The following DNAH7 variants were observed in gnomAD, a reference collection of about 807,000 sequenced individuals.
DNAH7 encodes axonemal beta dynein heavy chain 7.
DNAH7 carries 397 observed loss-of-function variants against 444.6 expected under a neutral mutation model. That is an observed-to-expected ratio of 0.89 (90% confidence interval 0.82 to 0.97). The LOEUF (loss-of-function observed/expected upper bound fraction) is 0.97, where lower values mean the gene tolerates loss of function less well. Ranked by LOEUF, DNAH7 falls within the 50% of genes least tolerant of loss-of-function variation. The pLI is 0.00. For missense variants in DNAH7, 4,902 were observed against 4,800.8 expected (o/e 1.02, Z -0.62); for synonymous variants, 1,636 against 1,624.4 (o/e 1.01, Z -0.17).
intron 19 of DNAH7, among the ~76,000 whole-genome samples, chr2:195,947,110 A>ATATAAT (rs3052595): frequency 6.8e-6 from 1 of 147,864 alleles, no homozygotes; most frequent in African/African-American, 2.5e-5. Flanking sequence ...ATTATAATAT[A>ATATAAT]TATAATTATA....
chr2:195,752,169 G>A (rs1043425942), intron 63 of DNAH7, among the ~76,000 whole-genome samples: 1 of 151,998 alleles, frequency 6.6e-6, no homozygotes, highest in Non-Finnish European at 1.5e-5. Flanking sequence ...CTACTCAGGA[G>A]GCTGAGTGGG....
At chr2:195,785,794 C>T (rs1695590625) in intron 58 of DNAH7, among the ~76,000 whole-genome samples, 1 of 151,986 alleles carries the variant, frequency 6.6e-6, no homozygotes, top group South Asian at 2.1e-4. Flanking sequence ...TTAGAATATA[C>T]CCTACAAGTG....
rs201663412 is a variant in DNAH7, at chr2:195,853,508, T to A, written c.8616A>T (p.Lys2872Asn). The change falls in exon 46 of 65, where the codon AAA becomes AAT. Residue 2872 changes from lysine (K) to asparagine (N), a missense_variant. Physicochemically the swap from Lys to Asn is moderately conservative, Grantham distance 94. Coordinates refer to ENST00000312428, the MANE Select transcript of DNAH7 (RefSeq NM_018897.3). Reference protein sequence around the residue: ...LENQVDLCSKKLERAEQLIGG... With the variant: ...LENQVDLCSKNLERAEQLIGG... ...CAATCAACTGTTCAGCTCGTTCTAGTTTTTTGCTGCAAAGGTCAACCTCGA... is the reference window on the plus strand; with the variant it reads ...CAATCAACTGTTCAGCTCGTTCTAGATTTTTGCTGCAAAGGTCAACCTCGA... 1 of 1,609,350 alleles carries A rather than the reference T, an allele frequency of 6.2e-7. No homozygotes were observed.
At chr2:196,012,694 T>C in intron 10 of DNAH7, 93 bp downstream of exon 10, 6 of 1,288,910 alleles carry the variant, frequency 4.7e-6, no homozygotes, top group Non-Finnish European at 6.4e-6. Context: ...TTTAAAACAT[T>C]AAAATTGGAT....
At chr2:195,760,894 C>A (rs141612190) in intron 61 of DNAH7, among the ~76,000 whole-genome samples, 55 of 152,112 alleles carry the variant, frequency 3.6e-4, no homozygotes, top group Middle Eastern at 3.4e-3. Flanking sequence ...CAAACATCCA[C>A]AAGCATCAAG....
chr2:195,889,332 T>C (rs1158740983), intron 31 of DNAH7, among the ~76,000 whole-genome samples: 1 of 151,882 alleles, frequency 6.6e-6, no homozygotes, highest in Non-Finnish European at 1.5e-5. Flanking sequence ...TTTTCTTTTT[T>C]TTTCAGGGTC....
At chr2:195,818,350 A>G (rs1453859640) in intron 49 of DNAH7, among the ~76,000 whole-genome samples, 1 of 152,222 alleles carries the variant, frequency 6.6e-6, no homozygotes, top group Non-Finnish European at 1.5e-5. Context: ...TCTGATAATC[A>G]GCCACTATTG....
chr2:195,828,607 TA>T (rs1426835159), intron 48 of DNAH7, among the ~76,000 whole-genome samples: 51 of 100,930 alleles, frequency 5.1e-4, no homozygotes, highest in East Asian at 2.1e-3. Flanking sequence ...TATATATATA[TA>T]TATTTTTTTT....
intron 9 of DNAH7, among the ~76,000 whole-genome samples, chr2:196,014,050 T>A (rs1046626406): frequency 2.0e-5 from 3 of 152,188 alleles, no homozygotes; most frequent in African/African-American, 7.2e-5. Flanking sequence ...GTTTTGAGAT[T>A]GAAAGGTTTT....
chr2:195,880,218 T>A (rs1173460869), intron 36 of DNAH7, among the ~76,000 whole-genome samples: 1 of 151,938 alleles, frequency 6.6e-6, no homozygotes, highest in East Asian at 1.9e-4. Context: ...ATCAAAAAAA[T>A]CAACAATTCC....
At chr2:195,770,002 G>C (rs893812742) in intron 61 of DNAH7, among the ~76,000 whole-genome samples, 1 of 152,118 alleles carries the variant, frequency 6.6e-6, no homozygotes, top group Non-Finnish European at 1.5e-5. Context: ...CATCAAATCT[G>C]TTCCTTGCCC....
At chr2:195,738,479 T>G (rs905730945) in intron 64 of DNAH7, among the ~76,000 whole-genome samples, 1 of 152,132 alleles carries the variant, frequency 6.6e-6, no homozygotes, top group Non-Finnish European at 1.5e-5. Flanking sequence ...TCATGTGCCT[T>G]TATATTAATT....
intron 6 of DNAH7, 73 bp downstream of exon 6, chr2:196,027,887 C>G (rs1695788379): frequency 7.1e-7 from 1 of 1,410,968 alleles, no homozygotes; most frequent in African/African-American, 1.4e-5. Flanking sequence ...ACAGAGTGGT[C>G]TCCAAAGTAT....
chr2:195,908,139 T>C (rs923514425), intron 25 of DNAH7, among the ~76,000 whole-genome samples: 3 of 152,116 alleles, frequency 2.0e-5, no homozygotes, highest in Non-Finnish European at 4.4e-5. Context: ...GAGCAATATA[T>C]ACCAGACATT....
chr2:195,990,517 A>G (rs950344402), intron 12 of DNAH7, among the ~76,000 whole-genome samples: 2 of 151,940 alleles, frequency 1.3e-5, no homozygotes, highest in African/African-American at 4.8e-5. Context: ...ACAAAAAATT[A>G]GTGATAGTGT....
At chr2:196,045,025 C>T (rs1697010921) in intron 5 of DNAH7, among the ~76,000 whole-genome samples, 1 of 151,664 alleles carries the variant, frequency 6.6e-6, no homozygotes, top group South Asian at 2.1e-4. Flanking sequence ...CATGATCATG[C>T]CACTGCACTC....
At chr2:195,964,566 C>T (rs1172082871) in intron 17 of DNAH7, among the ~76,000 whole-genome samples, 33 of 103,014 alleles carry the variant, frequency 3.2e-4, no homozygotes, top group African/African-American at 1.1e-3. Context: ...TTACATTTTT[C>T]CAACTACAAG....
chr2:195,988,171 G>C lies in DNAH7; in HGVS notation c.1412C>G (p.Ala471Gly), dbSNP rs1352788389. 1.2e-6 allele frequency: 2 copies of C among 1,613,282 alleles called. No individual in the cohort carries two copies. Among genetic ancestry groups the C allele is most frequent in the Admixed American group, 1.7e-5 (1 of 59,936 alleles). The change falls in exon 13 of 65, where the codon GCT becomes GGT. Residue 471 changes from alanine (A) to glycine (G), a missense_variant. By Grantham distance (60) the Ala-to-Gly change is moderately conservative. Coordinates refer to ENST00000312428, the MANE Select transcript of DNAH7 (RefSeq NM_018897.3). ...KPIILNEIVD[A>G]HKEKIKEVIM... is the part of the protein sequence containing the mutation. ...AACTTCCTTGATCTTTTCTTTGTGAGCATCTACAATTTCATTCAGAATTAT... is the reference window on the plus strand; with the variant it reads ...AACTTCCTTGATCTTTTCTTTGTGACCATCTACAATTTCATTCAGAATTAT...
intron 19 of DNAH7, 92 bp from the exon 20 acceptor site, chr2:195,936,884 TCAAA>T (rs1224936004): frequency 2.8e-6 from 3 of 1,058,814 alleles, no homozygotes; most frequent in East Asian, 5.8e-5. Flanking sequence ...ATGTTTGTAA[TCAAA>T]CAAAGGTTAT....
Sources: allele counts gnomAD v4.1 joint callset (sites outside exome capture counted in the v4.1 genomes callset), GRCh38; gene constraint gnomAD v4.1.1; transcripts MANE v1.5; gene names NCBI Gene and HGNC (gene_info 2026-07-23, HGNC 2026-07-21).